Variants in LRRC43 observed in about 807,000 individuals in gnomAD.
LRRC43 encodes the protein leucine rich repeat containing 43.
Under a neutral mutation model 64.3 loss-of-function variants are expected in LRRC43, and 62 were observed. The ratio of observed to expected loss-of-function variants is 0.96; its 90% confidence interval spans 0.79 to 1.19. The LOEUF is 1.19. LRRC43 is among the 50% of genes most tolerant of loss of function. LRRC43 has a pLI of 0.00. For missense variants in LRRC43, 868 were observed against 845.0 expected, an observed-to-expected ratio of 1.03 and a Z score of -0.34; for synonymous variants, 422 against 382.3, an observed-to-expected ratio of 1.10 and a Z score of -1.21.
At chr12:122,180,619 G>A (rs184575377), upstream of LRRC43, among the ~76,000 whole-genome samples, 3 of 152,258 alleles carry the variant, frequency 2.0e-5, no homozygotes, top group Admixed American at 2.0e-4. Flanking sequence ...AGGGGGACTT[G>A]GGATGAAGGG....
At chr12:122,172,252 C>T (rs1163941928) in intron 1 of LRRC43, 3 of 592,778 alleles carry the variant, frequency 5.1e-6, no homozygotes, top group Non-Finnish European at 6.0e-6. Context: ...TTCACAAATT[C>T]ACATCTCAGC....
At chr12:122,170,545 C>G (rs1045269177) in intron 1 of LRRC43, among the ~76,000 whole-genome samples, 2 of 151,952 alleles carry the variant, frequency 1.3e-5, no homozygotes, top group African/African-American at 2.4e-5. Context: ...GCAGGAGAAT[C>G]GCTTGAACCT....
chr12:122,190,253 G>C lies in LRRC43; in HGVS notation c.786G>C (p.Leu262Phe), dbSNP rs370975101. The C allele has an allele frequency of 6.2e-7, 1 of 1,614,208 alleles. No individual in the cohort carries two copies. The highest frequency in any genetic ancestry group is 1.1e-5 in the South Asian group (1 of 91,086). Residue 262 changes from leucine to phenylalanine, a missense_variant, in exon 5 of 12, where the codon TTG (leucine) becomes TTC (phenylalanine). Physicochemically the swap from Leu to Phe is conservative, Grantham distance 22 (BLOSUM62 0). Coordinates refer to ENST00000339777, the MANE Select transcript of LRRC43 (RefSeq NM_001098519.2). ...TGCTGCAGGGAAACCCACTGGCCTT[G>C]GTGCCCTACTACCGCGGCCTCACCA... ...LLVLQGNPLALVPYYRGLTID... is the reference protein window; with the variant it reads ...LLVLQGNPLAFVPYYRGLTID...
chr12:122,174,063 C>T (rs1953514923), intron 1 of LRRC43: 1 of 1,613,576 alleles, frequency 6.2e-7, no homozygotes, highest in South Asian at 1.1e-5. Context: ...TCCCTGCAGC[C>T]CTGCTGAGCC....
chr12:122,198,154 T>G (rs1292020338), intron 7 of LRRC43, among the ~76,000 whole-genome samples: 1 of 152,084 alleles, frequency 6.6e-6, no homozygotes, highest in African/African-American at 2.4e-5. Flanking sequence ...CTAATTTTTG[T>G]ATTTTTAGTA....
chr12:122,203,251 G>A, intron 11 of LRRC43, 64 bp from the exon 12 acceptor site: 2 of 1,582,168 alleles, frequency 1.3e-6, no homozygotes, highest in Non-Finnish European at 1.7e-6. Context: ...GGATGGGTCA[G>A]GGCGGCCGAG....
At chr12:122,170,386 C>G (rs1011051035) in intron 1 of LRRC43, among the ~76,000 whole-genome samples, 2 of 152,078 alleles carry the variant, frequency 1.3e-5, no homozygotes, top group Non-Finnish European at 2.9e-5. Context: ...AATCCCAGCA[C>G]TTTGGGAGGC....
At chr12:122,178,186 T>C (rs541395251), upstream of LRRC43, among the ~76,000 whole-genome samples, 1 of 146,058 alleles carries the variant, frequency 6.8e-6, no homozygotes, top group Non-Finnish European at 1.5e-5. Flanking sequence ...ATGGCAGCAA[T>C]AGAGAACTAA....
chr12:122,191,164 A>G (rs1017983921), intron 5 of LRRC43, among the ~76,000 whole-genome samples: 3 of 152,048 alleles, frequency 2.0e-5, no homozygotes, highest in African/African-American at 7.2e-5. Flanking sequence ...ACTCCCATAT[A>G]CAGATCAGGA....
chr12:122,172,227 T>C (rs1953491488), intron 1 of LRRC43: 1 of 564,868 alleles, frequency 1.8e-6, no homozygotes, highest in Admixed American at 3.2e-5. Flanking sequence ...AATAACCTAA[T>C]GTTTTTCAAG....
upstream of LRRC43, among the ~76,000 whole-genome samples, chr12:122,178,259 C>T (rs1953554187): frequency 6.6e-6 from 1 of 152,166 alleles, no homozygotes; most frequent in Admixed American, 6.6e-5. Flanking sequence ...TACATGACCC[C>T]TCTATAGCAT....
chr12:122,202,218 T>A lies in LRRC43; in HGVS notation c.1843+889T>A, dbSNP rs574070462. The A allele has an allele frequency of 1.2e-4, 18 of 151,390 alleles. No individual in the cohort carries two copies. In the East Asian group the frequency reaches 1.4e-3, roughly 11 times the overall value. 9.4% of individuals were successfully genotyped at this position (151,390 alleles called of 1,614,324 possible). A position where few individuals can be genotyped will look rare whatever the true frequency, so the allele number is the denominator to read the frequency against. On this transcript the variant is annotated intron_variant, in intron 11 of 11. Coordinates refer to ENST00000339777, the MANE Select transcript of LRRC43 (RefSeq NM_001098519.2). ...GGCCTTAAAAAGGTTTTTTTTTTTT[T>A]AATCTCTTTAATGTTTGGCTTAATT...
intron 1 of LRRC43, chr12:122,173,708 G>A (rs1953510273): frequency 1.5e-6 from 1 of 675,588 alleles, no homozygotes; most frequent in Admixed American, 2.8e-5. Context: ...AGCCATCTTT[G>A]CCTGTCTAGT....
chr12:122,196,855 G>A (rs556346603), intron 7 of LRRC43, among the ~76,000 whole-genome samples: 4 of 152,122 alleles, frequency 2.6e-5, no homozygotes, highest in South Asian at 4.1e-4. Context: ...CAAGTGGTAC[G>A]TCAGAGGAAG....
At chr12:122,203,244 T>C (rs1457521372) in intron 11 of LRRC43, 71 bp from the exon 12 acceptor site, 2 of 1,560,576 alleles carry the variant, frequency 1.3e-6, no homozygotes, top group East Asian at 2.3e-5. Context: ...GCATATGGGA[T>C]GGGTCAGGGC....
intron 1 of LRRC43, among the ~76,000 whole-genome samples, chr12:122,170,082 C>T (rs901392071): frequency 6.6e-6 from 1 of 152,112 alleles, no homozygotes; most frequent in Admixed American, 6.6e-5. Flanking sequence ...GCTGGGATTA[C>T]AGGTGTGAGA....
At chr12:122,168,917 C>T (rs1953462025) in intron 1 of LRRC43, among the ~76,000 whole-genome samples, 1 of 152,128 alleles carries the variant, frequency 6.6e-6, no homozygotes, top group Non-Finnish European at 1.5e-5. Context: ...TGAAGAGTGC[C>T]AGTCAAGGAT....
rs771951542 is a variant in LRRC43 at position 122,174,223 on chromosome 12, G to A, written c.-406+6441G>A. The A allele has an allele frequency of 9.3e-6, 15 of 1,611,416 alleles. No homozygotes were observed. The Admixed American group carries it at 1.0e-4, about 11-fold the overall frequency. ...AGTGGGGGCTTCTGGAGCCAGATGTGTTCGCCATGGCTGCCTGGAGGTATA... is the reference window on the plus strand; with the variant it reads ...AGTGGGGGCTTCTGGAGCCAGATGTATTCGCCATGGCTGCCTGGAGGTATA... On this transcript the variant is annotated intron_variant, in intron 1 of 5. Transcript: ENST00000537729.
rs747684897 is a variant in LRRC43 at position 122,190,337 on chromosome 12, G to C, written c.870G>C (p.Lys290Asn). The C allele has an allele frequency of 2.5e-6, 4 of 1,614,140 alleles. No homozygotes were observed. The highest frequency in any genetic ancestry group is 3.4e-6 in the Non-Finnish European group (4 of 1,180,008). The change falls in exon 5 of 12, where the codon AAG becomes AAC. Residue 290 changes from lysine (K) to asparagine (N), a missense_variant. Transcript: ENST00000339777. ...ACATCACCGTGTCTCCCAATGAGAA[G>C]CATCTCTTCCGGGGGCTCAGCCTCA... ...LDDITVSPNE[K>N]HLFRGLSLNG... is the part of the protein sequence containing the mutation.
Sources: allele counts gnomAD v4.1 joint callset (sites outside exome capture counted in the v4.1 genomes callset), GRCh38; gene constraint gnomAD v4.1.1; transcripts MANE v1.5; gene names NCBI Gene and HGNC (gene_info 2026-07-23, HGNC 2026-07-21).